Variants in CTNNA3 observed in about 807,000 individuals in gnomAD.
CTNNA3 encodes the protein catenin alpha-3.
CTNNA3 carries 76 observed loss-of-function variants against 95.7 expected under a neutral mutation model. The observed-to-expected ratio is 0.79, with a 90% CI of 0.66 to 0.96. The LOEUF is 0.96. CTNNA3 is among the 40% of genes least tolerant of loss of function. The probability of loss-of-function intolerance (pLI) is 0.00; values close to 1 mark genes in which losing one functional copy is unlikely to be tolerated. For synonymous variants in CTNNA3, 431 were observed against 374.4 expected, an observed-to-expected ratio of 1.15 and a Z score of -1.74; for missense variants, 1,191 against 1,089.8, an observed-to-expected ratio of 1.09 and a Z score of -1.31.
intron 9 of CTNNA3, among the ~76,000 whole-genome samples, chr10:66,733,365 C>T (rs1010884180): frequency 3.9e-5 from 6 of 151,940 alleles, no homozygotes; most frequent in African/African-American, 1.2e-4. Flanking sequence ...GAAGCATATT[C>T]CTTAATTTAT....
chr10:66,449,886 C>T, intron 11 of CTNNA3, among the ~76,000 whole-genome samples: 1 of 152,080 alleles, frequency 6.6e-6, no homozygotes, highest in Non-Finnish European at 1.5e-5. Context: ...ACTGAAAATT[C>T]TAACTTCAAA....
At chr10:66,338,222 C>T (rs903009800) in intron 12 of CTNNA3, among the ~76,000 whole-genome samples, 1 of 151,754 alleles carries the variant, frequency 6.6e-6, no homozygotes, top group Non-Finnish European at 1.5e-5. Flanking sequence ...TTGCATAATT[C>T]GATTATATAA....
intron 6 of CTNNA3, among the ~76,000 whole-genome samples, chr10:67,199,850 G>A (rs1863559980): frequency 6.6e-6 from 1 of 152,136 alleles, no homozygotes; most frequent in Non-Finnish European, 1.5e-5. Flanking sequence ...CTATTAAAGA[G>A]CATAAACTAT....
chr10:67,292,539 C>T (rs973158389), intron 5 of CTNNA3, among the ~76,000 whole-genome samples: 7 of 152,076 alleles, frequency 4.6e-5, no homozygotes, highest in African/African-American at 7.2e-5. Context: ...CATCATTTTA[C>T]TTTTTCAGAT....
intron 14 of CTNNA3, among the ~76,000 whole-genome samples, chr10:66,100,565 T>C (rs4745886): frequency 0.61 from 92,639 of 151,912 alleles, 28,294 homozygotes; most frequent in East Asian, 0.71. Context: ...CTGGATTGTC[T>C]GAGAACTGTA....
chr10:66,703,432 C>T (rs1464593107), intron 9 of CTNNA3, among the ~76,000 whole-genome samples: 1 of 152,138 alleles, frequency 6.6e-6, no homozygotes, highest in Admixed American at 6.5e-5. Flanking sequence ...AAGTATATGG[C>T]ATAAGCATTA....
chr10:66,465,174 C>G (rs576094091), intron 11 of CTNNA3, among the ~76,000 whole-genome samples: 1 of 152,004 alleles, frequency 6.6e-6, no homozygotes, highest in South Asian at 2.1e-4. Flanking sequence ...CTTAACCACA[C>G]ATAGAACATA....
rs533382881 is a variant in CTNNA3 at position 67,371,023 on chromosome 10, C to T, written c.579+150819G>A. Reference sequence around the variant, plus strand: ...CTGGGACTACAGGCGCCCGCCGCTACGCCCGGCTAATTTTTTGTATTTTTA... The same window carrying T: ...CTGGGACTACAGGCGCCCGCCGCTATGCCCGGCTAATTTTTTGTATTTTTA... On this transcript the variant is annotated intron_variant, in intron 5 of 17. Coordinates refer to ENST00000433211, the MANE Select transcript of CTNNA3 (RefSeq NM_013266.4). Among the ~76,000 whole-genome samples the T allele has an allele frequency of 1.8e-3, 271 of 151,110 alleles. 1 individual carries two copies. Among genetic ancestry groups the T allele is most frequent in the Admixed American group, 3.4e-3 (51 of 15,210 alleles).
intron 13 of CTNNA3, among the ~76,000 whole-genome samples, chr10:66,155,542 C>G (rs2084447838): frequency 6.6e-6 from 1 of 151,724 alleles, no homozygotes; most frequent in African/African-American, 2.4e-5. Flanking sequence ...CAGAAACAAA[C>G]CCACACACGT....
At chr10:67,022,246 A>C (rs1295284970) in intron 7 of CTNNA3, among the ~76,000 whole-genome samples, 3 of 152,160 alleles carry the variant, frequency 2.0e-5, no homozygotes, top group Non-Finnish European at 4.4e-5. Context: ...CTACAGAAGC[A>C]CTCTGGAAAT....
At chr10:67,262,528 T>C (rs1453512851) in intron 5 of CTNNA3, among the ~76,000 whole-genome samples, 1 of 152,174 alleles carries the variant, frequency 6.6e-6, no homozygotes, top group Non-Finnish European at 1.5e-5. Flanking sequence ...AAGGGTATCC[T>C]ACAAAGGCAG....
intron 10 of CTNNA3, among the ~76,000 whole-genome samples, chr10:66,570,210 C>T (rs1329321535): frequency 1.3e-5 from 2 of 152,166 alleles, no homozygotes; most frequent in Non-Finnish European, 2.9e-5. Context: ...CCCCTGAGAC[C>T]TAAATCCCAC....
In CTNNA3 at chr10:66,352,988, G is replaced by C. The variant is rs150232994; in HGVS notation, c.1732+26164C>G. Among the ~76,000 whole-genome samples the C allele has an allele frequency of 1.8e-3, 277 of 151,968 alleles. 4 individuals carry two copies. The highest frequency in any genetic ancestry group is 6.5e-3 in the African/African-American group (268 of 41,486). On this transcript the variant is annotated intron_variant, in intron 12 of 17. Coordinates refer to ENST00000433211, the MANE Select transcript of CTNNA3 (RefSeq NM_013266.4). ...GTTTTATTTCTCAAGCTGAGCCATA[G>C]GTAAATGGGTGATTATTTTATTATC...
intron 6 of CTNNA3, among the ~76,000 whole-genome samples, chr10:67,186,414 A>G (rs1242778484): frequency 6.6e-6 from 1 of 152,186 alleles, no homozygotes; most frequent in Non-Finnish European, 1.5e-5. Context: ...CTTGACTTTT[A>G]AGACTTCCGA....
intron 10 of CTNNA3, among the ~76,000 whole-genome samples, chr10:66,537,651 T>C (rs1403537122): frequency 1.3e-5 from 2 of 151,222 alleles, no homozygotes; most frequent in Non-Finnish European, 2.9e-5. Context: ...AATGAAAACA[T>C]TCACAATGCT....
At chr10:66,025,248 T>C (rs2079311664) in intron 15 of CTNNA3, among the ~76,000 whole-genome samples, 1 of 152,188 alleles carries the variant, frequency 6.6e-6, no homozygotes, top group Non-Finnish European at 1.5e-5. Flanking sequence ...GTCACAGATT[T>C]AATCCCATAC....
At chr10:65,982,672 T>C (rs868865747) in intron 16 of CTNNA3, among the ~76,000 whole-genome samples, 2 of 150,288 alleles carry the variant, frequency 1.3e-5, no homozygotes, top group Non-Finnish European at 3.0e-5. Flanking sequence ...GTGGTATATA[T>C]GTGTGTGTGT....
intron 5 of CTNNA3, among the ~76,000 whole-genome samples, chr10:67,235,738 T>C (rs1277172197): frequency 7.0e-6 from 1 of 143,506 alleles, no homozygotes; most frequent in Non-Finnish European, 1.5e-5. Flanking sequence ...ACCTACAAAA[T>C]GGGAGAAAAT....
chr10:66,926,999 C>T (rs1475632365), intron 7 of CTNNA3: 1 of 1,614,136 alleles, frequency 6.2e-7, no homozygotes, highest in Admixed American at 1.7e-5. Context: ...ACAATGCTTT[C>T]TTCTGCCGAA....
Sources: gnomAD v4.1 joint callset for allele counts (sites outside exome capture counted in the v4.1 genomes callset) on GRCh38, gnomAD v4.1.1 for gene constraint, MANE v1.5 for transcripts, NCBI Gene and HGNC (gene_info 2026-07-23, HGNC 2026-07-21) for gene names.